The following SLC1A2 variants were observed in gnomAD, a reference collection of about 807,000 sequenced individuals.
The protein encoded by SLC1A2 is excitatory amino acid transporter 2.
SLC1A2 carries 15 observed loss-of-function variants against 48.8 expected under a neutral mutation model. That is an observed-to-expected ratio of 0.31 (90% CI 0.21 to 0.47). The LOEUF (loss-of-function observed/expected upper bound fraction) is 0.47, where lower values mean the gene tolerates loss of function less well. Among genes scored for constraint, SLC1A2 ranks in the 20% least tolerant of loss-of-function variants. The pLI is 0.99. For synonymous variants in SLC1A2, 279 were observed against 272.6 expected, an observed-to-expected ratio of 1.02 and a Z score of -0.23; for missense variants, 502 against 730.5, an observed-to-expected ratio of 0.69 and a Z score of 3.61.
chr11:35,355,918 A>G (rs1181214959), intron 1 of SLC1A2, among the ~76,000 whole-genome samples: 1 of 151,552 alleles, frequency 6.6e-6, no homozygotes, highest in Non-Finnish European at 1.5e-5. Context: ...ATCTTAGCTG[A>G]TGGTCTCCTT....
At chr11:35,392,336 A>T (rs1382887112) in intron 1 of SLC1A2, 1 of 152,210 alleles carries the variant, frequency 6.6e-6, no homozygotes, top group African/African-American at 2.4e-5. Flanking sequence ...ACTCACCCAG[A>T]TACAGAGGAA....
At chr11:35,320,670 C>T (rs1257419311) in intron 1 of SLC1A2, among the ~76,000 whole-genome samples, 1 of 152,206 alleles carries the variant, frequency 6.6e-6, no homozygotes, top group African/African-American at 2.4e-5. Flanking sequence ...TAAAAGGGCC[C>T]CTTGCTTGCC....
intron 6 of SLC1A2, among the ~76,000 whole-genome samples, chr11:35,297,462 A>G (rs1189395914): frequency 3.3e-5 from 5 of 152,222 alleles, no homozygotes; most frequent in Non-Finnish European, 7.3e-5. Context: ...GATCCTGAAT[A>G]AAATCTGCCT....
At chr11:35,265,341 T>G in intron 10 of SLC1A2, 186 bp downstream of exon 10, 1 of 571,208 alleles carries the variant, frequency 1.8e-6, no homozygotes, top group East Asian at 2.9e-5. Flanking sequence ...TCAGACTTGT[T>G]GATTTCCTGC....
At chr11:35,304,422 A>G (rs1326584999) in intron 5 of SLC1A2, among the ~76,000 whole-genome samples, 1 of 152,196 alleles carries the variant, frequency 6.6e-6, no homozygotes, top group Admixed American at 6.5e-5. Context: ...TGAAAGGAAC[A>G]TAGATAGCTG....
chr11:35,419,037 G>T lies in SLC1A2; in HGVS notation c.-71C>A. The T allele has an allele frequency of 2.8e-6, 4 of 1,437,804 alleles. No homozygotes were observed. Among genetic ancestry groups the T allele is most frequent in the Admixed American group, 2.1e-5 (1 of 47,866 alleles). 89.1% of individuals were successfully genotyped at this position (1,437,804 alleles called of 1,614,324 possible). On this transcript the variant is annotated 5_prime_UTR_variant, in exon 1 of 11. Coordinates refer to ENST00000278379, the MANE Select transcript of SLC1A2 (RefSeq NM_004171.4). The surrounding 1 kb of genome is among the most constrained non-coding windows in gnomAD (Gnocchi z 5.4). ...GGGCGAGGGAGAAAGCGGACGCCGG[G>T]GTGAGCGCGAAGTGCGGCCGGGAGC...
intron 1 of SLC1A2, among the ~76,000 whole-genome samples, chr11:35,410,369 A>T (rs1159932784): frequency 6.6e-6 from 1 of 152,238 alleles, no homozygotes; most frequent in Non-Finnish European, 1.5e-5. Flanking sequence ...ACAATAGATC[A>T]CTTAATGTTA....
intron 1 of SLC1A2, among the ~76,000 whole-genome samples, chr11:35,376,192 T>TAA (rs77459883): frequency 6.9e-5 from 10 of 144,622 alleles, no homozygotes; most frequent in African/African-American, 2.3e-4. Flanking sequence ...GGTATTCTAT[T>TAA]AAAAAAAAAA....
Position 35,317,485 on chromosome 11 carries a change from G to A in SLC1A2, c.49C>T (p.Arg17Ter), listed in dbSNP as rs921441636. The A allele has an allele frequency of 1.9e-6, 3 of 1,613,858 alleles. No individual in the cohort carries two copies. Among genetic ancestry groups the A allele is most frequent in the South Asian group, 1.1e-5 (1 of 91,080 alleles). The change falls in exon 2 of 11, where the codon CGA becomes TGA. Residue 17 changes from arginine (R) to a stop codon, truncating the protein, a stop_gained. Transcript: ENST00000278379. LOFTEE classifies it high-confidence loss of function. ...GAGCCAAGATGACTGTCGTGCATTC[G>A]CACTTCCACCTGCTTGGGCATATTG... is the stretch of plus-strand genomic sequence containing the variant. Reference protein sequence around the residue: ...ANNMPKQVEVRMHDSHLGSEE... With the variant: ...ANNMPKQVEV
At chr11:35,392,817 T>C (rs1854824732) in intron 1 of SLC1A2, among the ~76,000 whole-genome samples, 1 of 152,212 alleles carries the variant, frequency 6.6e-6, no homozygotes, top group South Asian at 2.1e-4. Flanking sequence ...TGGATAAATG[T>C]GGCATGAATC....
intron 1 of SLC1A2, among the ~76,000 whole-genome samples, chr11:35,338,159 G>A (rs12276318): frequency 0.031 from 4,671 of 152,202 alleles, 219 homozygotes; most frequent in East Asian, 0.097. Flanking sequence ...TTAGAACACA[G>A]CGAAGCCTAT....
At chr11:35,407,544 T>G (rs921376919) in intron 1 of SLC1A2, among the ~76,000 whole-genome samples, 4 of 152,198 alleles carry the variant, frequency 2.6e-5, no homozygotes, top group Non-Finnish European at 5.9e-5. Context: ...GACTACCATT[T>G]ATGGAAAAAA....
intron 1 of SLC1A2, among the ~76,000 whole-genome samples, chr11:35,401,273 C>T (rs937401218): frequency 2.6e-5 from 4 of 152,162 alleles, no homozygotes; most frequent in Admixed American, 2.0e-4. Flanking sequence ...GGAAAAGGAA[C>T]AGGATTTTCT....
At chr11:35,418,666 C>T in intron 1 of SLC1A2, 1 of 487,440 alleles carries the variant, frequency 2.1e-6, no homozygotes, top group Non-Finnish European at 3.6e-6. Context: ...CCAAAAGTAA[C>T]CTCAAGAGGA....
chr11:35,311,541 A>G (rs1208101833), intron 4 of SLC1A2, among the ~76,000 whole-genome samples: 1 of 152,228 alleles, frequency 6.6e-6, no homozygotes, highest in Non-Finnish European at 1.5e-5. Flanking sequence ...CATTCTCAAC[A>G]TAAGTAGCTC....
At chr11:35,349,314 AG>A (rs527457069) in intron 1 of SLC1A2, among the ~76,000 whole-genome samples, 1 of 152,256 alleles carries the variant, frequency 6.6e-6, no homozygotes, top group Non-Finnish European at 1.5e-5. Flanking sequence ...AACAGATCAC[AG>A]AGAATAATAA....
chr11:35,354,299 T>A (rs1031961393), intron 1 of SLC1A2, among the ~76,000 whole-genome samples: 18 of 150,726 alleles, frequency 1.2e-4, no homozygotes, highest in South Asian at 6.4e-4. Context: ...AAAAAAAAAA[T>A]TTTTTTTTAA....
In SLC1A2 at chr11:35,322,660, C is replaced by T. The variant is rs184324562; in HGVS notation, c.18-5144G>A. On this transcript the variant is annotated intron_variant, in intron 1 of 10. Transcript: ENST00000278379. ...ATAAAGATGTCCAGAGATTGCCCTA[C>T]TGGAAGACACTAGGTCACCCTAGAA... 320 of 1,532,338 alleles carry T rather than the reference C, an allele frequency of 2.1e-4. No homozygotes were observed. In the African/African-American group the frequency reaches 3.7e-3, roughly 18 times the overall value. 94.9% of individuals were successfully genotyped at this position (1,532,338 alleles called of 1,614,324 possible). A position where few individuals can be genotyped will look rare whatever the true frequency, so the allele number is the denominator to read the frequency against.
intron 1 of SLC1A2, among the ~76,000 whole-genome samples, chr11:35,348,293 G>T (rs890443138): frequency 2.0e-5 from 3 of 152,180 alleles, no homozygotes; most frequent in Non-Finnish European, 4.4e-5. Flanking sequence ...CTCCCCTGGA[G>T]TTGGTGAAAA....
Sources: allele counts gnomAD v4.1 joint callset (sites outside exome capture counted in the v4.1 genomes callset), GRCh38; gene constraint gnomAD v4.1.1; non-coding constraint Gnocchi (gnomAD v3.1); transcripts MANE v1.5; gene names NCBI Gene and HGNC (gene_info 2026-07-23, HGNC 2026-07-21).